The following OLFML2A variants were observed in gnomAD, a reference collection of about 807,000 sequenced individuals.
The protein encoded by OLFML2A is olfactomedin-like protein 2A.
Under a neutral mutation model 60.9 loss-of-function variants are expected in OLFML2A, and 47 were observed. The ratio of observed to expected loss-of-function variants is 0.77; its 90% CI spans 0.61 to 0.98. The LOEUF (loss-of-function observed/expected upper bound fraction) is 0.98, where lower values mean the gene tolerates loss of function less well. Ranked by LOEUF, OLFML2A falls within the 50% of genes least tolerant of loss-of-function variation. The probability of loss-of-function intolerance (pLI) is 0.00; values close to 1 mark genes in which losing one functional copy is unlikely to be tolerated. For synonymous variants in OLFML2A, 372 were observed against 375.0 expected (o/e 0.99, Z 0.09); for missense variants, 922 against 879.8 (o/e 1.05, Z -0.61).
intron 1 of OLFML2A, among the ~76,000 whole-genome samples, chr9:124,780,759 C>G (rs1205886917): frequency 1.3e-5 from 2 of 152,196 alleles, no homozygotes; most frequent in African/African-American, 4.8e-5. Context: ...GCCATGTCCC[C>G]AGCACTTACA....
At chr9:124,786,864 C>T (rs1356490528) in intron 1 of OLFML2A, 111 bp from the exon 2 acceptor site, 9 of 1,104,708 alleles carry the variant, frequency 8.1e-6, no homozygotes, top group Non-Finnish European at 7.9e-6. Context: ...CTGCCAAACA[C>T]TCTCATCCCA....
chr9:124,808,973 C>T (rs4838213), intron 7 of OLFML2A, among the ~76,000 whole-genome samples: 24,884 of 150,104 alleles, frequency 0.17, 2,578 homozygotes, highest in Admixed American at 0.25. Context: ...CTGGCCAACA[C>T]GGTGAAACCC....
At chr9:124,798,476 C>A (rs975251920) in intron 3 of OLFML2A, among the ~76,000 whole-genome samples, 5 of 151,892 alleles carry the variant, frequency 3.3e-5, no homozygotes, top group Non-Finnish European at 5.9e-5. Flanking sequence ...CAAGATCGCA[C>A]CACTGCCCTC....
chr9:124,784,072 T>G (rs1344484886), intron 1 of OLFML2A, among the ~76,000 whole-genome samples: 1 of 152,020 alleles, frequency 6.6e-6, no homozygotes, highest in Admixed American at 6.6e-5. Context: ...AGAGAGCCAT[T>G]GAAAGGGAAG....
intron 2 of OLFML2A, among the ~76,000 whole-genome samples, chr9:124,789,400 A>G (rs78236233): frequency 0.01 from 1,595 of 152,344 alleles, 29 homozygotes; most frequent in African/African-American, 0.037. Context: ...TGGTTCAAAG[A>G]CAAAGGACTT....
chr9:124,777,303 G>A lies in OLFML2A; in HGVS notation c.33G>A (p.Leu11=), dbSNP rs1339485348. 4 of 1,285,994 alleles carry A rather than the reference G, an allele frequency of 3.1e-6. No individual in the cohort carries two copies. Among genetic ancestry groups the A allele is most frequent in the South Asian group, 2.4e-5 (1 of 40,908 alleles). 79.7% of individuals were successfully genotyped at this position (1,285,994 alleles called of 1,614,324 possible). Residue 11 remains leucine (L), a synonymous_variant, in exon 1 of 8, where the codon CTG becomes CTA. Coordinates refer to ENST00000373580, the MANE Select transcript of OLFML2A (RefSeq NM_182487.4). The surrounding 1 kb of genome is among the most constrained non-coding windows in gnomAD (Gnocchi z 6.2). The part of the protein sequence containing the change: MAAAALPPRP[L]LLLPLVLLLS... ...CTGCCGCCCTCCCGCCCCGGCCGCT[G>A]CTCCTTCTGCCGCTAGTGCTGCTGC...
At chr9:124,790,206 C>T (rs187053097) in intron 2 of OLFML2A, among the ~76,000 whole-genome samples, 15 of 152,040 alleles carry the variant, frequency 9.9e-5, no homozygotes, top group African/African-American at 2.7e-4. Flanking sequence ...CTTACTTTAC[C>T]GCCCAGGCTG....
Position 124,807,841 on chromosome 9 carries a change from G to C in OLFML2A, c.1229G>C (p.Ser410Thr), listed in dbSNP as rs531601332. Residue 410 changes from serine (S) to threonine (T), a missense_variant, in exon 7 of 8, where the codon AGC (serine) becomes ACC (threonine). By Grantham distance (58) the Ser-to-Thr change is moderately conservative. Coordinates refer to ENST00000373580, the MANE Select transcript of OLFML2A (RefSeq NM_182487.4). ...RAVDPPVRHH[S>T]YGRHEGAWMK... ...GTGGACCCCCCTGTGAGGCACCACA[G>C]CTATGGGCGCCACGAGGGAGCCTGG... 1 of 1,614,084 alleles carries C rather than the reference G, an allele frequency of 6.2e-7. No individual in the cohort carries two copies. The highest frequency in any genetic ancestry group is 1.3e-5 in the African/African-American group (1 of 75,054).
chr9:124,780,333 C>T (rs1322208786), intron 1 of OLFML2A, among the ~76,000 whole-genome samples: 1 of 152,224 alleles, frequency 6.6e-6, no homozygotes, highest in Non-Finnish European at 1.5e-5. Context: ...GCTGCCGGTG[C>T]CTCACTCCCT....
chr9:124,810,172 C>A lies in OLFML2A; in HGVS notation c.1719C>A (p.Asn573Lys), dbSNP rs201030938. 4 of 1,613,980 alleles carry A rather than the reference C, an allele frequency of 2.5e-6. No homozygotes were observed. The East Asian group carries it at 6.7e-5, about 27-fold the overall frequency. The change falls in exon 8 of 8, where the codon AAC (asparagine) becomes AAA (lysine). Residue 573 changes from asparagine (N) to lysine (K), a missense_variant. Asn to Lys is a moderately conservative substitution (Grantham distance 94). Coordinates refer to ENST00000373580, the MANE Select transcript of OLFML2A (RefSeq NM_182487.4). ...ETTWKTRLRR[N>K]SYGNCFLVCG... is the part of the protein sequence containing the mutation. ...CGTGGAAGACACGGCTGCGGCGGAA[C>A]TCCTACGGGAACTGCTTCCTGGTGT...
At position 124,777,330 on chromosome 9, in the gene OLFML2A, G is replaced by T; in HGVS notation, c.60G>T (p.Leu20=). Residue 20 remains leucine (L), a synonymous_variant, in exon 1 of 8, where the codon CTG becomes CTT. Transcript: ENST00000373580. This position sits in a 1 kb window ranked among gnomAD's most constrained non-coding sequence, Gnocchi z 6.2. ...TCCTTCTGCCGCTAGTGCTGCTGCT[G>T]AGCGGCCGCCCCACGCGCGCCGACA... ...PLLLLPLVLL[L]SGRPTRADSK... The T allele has an allele frequency of 7.7e-7, 1 of 1,294,588 alleles. No individual in the cohort carries two copies. Among genetic ancestry groups the T allele is most frequent in the South Asian group, 2.4e-5 (1 of 42,472 alleles). 80.2% of individuals were successfully genotyped at this position (1,294,588 alleles called of 1,614,324 possible).
chr9:124,808,771 G>C (rs1301646905), intron 7 of OLFML2A, among the ~76,000 whole-genome samples: 7 of 152,078 alleles, frequency 4.6e-5, no homozygotes, highest in Admixed American at 4.6e-4. Context: ...CCTGGGGTAG[G>C]GGGGATGGTG....
At position 124,779,936 on chromosome 9, in the gene OLFML2A, C is replaced by G. The variant is rs539452633; in HGVS notation, c.90+2576C>G. On this transcript the variant is annotated intron_variant, in intron 1 of 7. Coordinates refer to ENST00000373580, the MANE Select transcript of OLFML2A (RefSeq NM_182487.4). This position sits in a 1 kb window ranked among gnomAD's most constrained non-coding sequence, Gnocchi z 4.1. ...AGGGTTAAGTTGGCCCCTCCTTGGGCTTCCTGTTCCTGGGAGCTCTAGTCT... is the reference window on the plus strand; with the variant it reads ...AGGGTTAAGTTGGCCCCTCCTTGGGGTTCCTGTTCCTGGGAGCTCTAGTCT... Among the ~76,000 whole-genome samples, 1 of 152,338 alleles carries G rather than the reference C, an allele frequency of 6.6e-6. No individual in the cohort carries two copies. The highest frequency in any genetic ancestry group is 2.4e-5 in the African/African-American group (1 of 41,584).
intron 5 of OLFML2A, among the ~76,000 whole-genome samples, chr9:124,802,985 T>G (rs1218986915): frequency 6.6e-6 from 1 of 152,162 alleles, no homozygotes; most frequent in Non-Finnish European, 1.5e-5. Flanking sequence ...CTCAGCTCAC[T>G]GCACCCTCTG....
At chr9:124,809,628 G>C (rs1841963385) in intron 7 of OLFML2A, among the ~76,000 whole-genome samples, 180 bp from the exon 8 acceptor site, 2 of 151,682 alleles carry the variant, frequency 1.3e-5, no homozygotes, top group Admixed American at 1.3e-4. Context: ...ATGGGATGAC[G>C]ATAGACCTCC....
intron 2 of OLFML2A, among the ~76,000 whole-genome samples, chr9:124,793,309 G>A (rs1841602623): frequency 2.0e-5 from 3 of 152,234 alleles, no homozygotes. Flanking sequence ...GTTATATCCT[G>A]ATGAGGCGTG....
intron 3 of OLFML2A, among the ~76,000 whole-genome samples, chr9:124,797,689 C>T (rs368974829): frequency 9.2e-5 from 14 of 152,176 alleles, no homozygotes; most frequent in Non-Finnish European, 1.8e-4. Flanking sequence ...TATACTCAGA[C>T]GAAAGAATCC....
At chr9:124,788,498 T>C (rs1425759093) in intron 2 of OLFML2A, among the ~76,000 whole-genome samples, 3 of 150,668 alleles carry the variant, frequency 2.0e-5, no homozygotes, top group Admixed American at 1.3e-4. Context: ...CCCAGCTACT[T>C]GGGAGGCTGA....
rs7020260 is a variant in OLFML2A, at chr9:124,810,431, C to A, written c.*19C>A. The stretch of plus-strand genomic sequence containing the variant: ...GGTCTGAGTGGAGACCTGTGCTCCC[C>A]GGAGAGGGGCAGCAGTGCGGGAGGG... On this transcript the variant is annotated 3_prime_UTR_variant, in exon 8 of 8. Coordinates refer to ENST00000373580, the MANE Select transcript of OLFML2A (RefSeq NM_182487.4). The A allele has an allele frequency of 1.9e-6, 3 of 1,576,684 alleles. No individual in the cohort carries two copies. The highest frequency in any genetic ancestry group is 2.6e-6 in the Non-Finnish European group (3 of 1,164,884).
Sources: gnomAD v4.1 joint callset for allele counts (sites outside exome capture counted in the v4.1 genomes callset) on GRCh38, gnomAD v4.1.1 for gene constraint, Gnocchi (gnomAD v3.1) non-coding constraint, MANE v1.5 for transcripts, NCBI Gene and HGNC (gene_info 2026-07-23, HGNC 2026-07-21) for gene names.